CYLC1: variants seen among roughly 807,000 people sequenced by gnomAD.
The protein encoded by CYLC1 is cylicin 1.
In CYLC1, 2 loss-of-function variants were observed where a neutral mutation model predicts 31.6. The observed-to-expected ratio is 0.06, with a 90% confidence interval of 0.03 to 0.20. CYLC1 has a LOEUF of 0.20. CYLC1 is among the 10% of genes least tolerant of loss of function. CYLC1 has a pLI of 1.00. For synonymous variants in CYLC1, 185 were observed against 153.0 expected (o/e 1.21, Z -1.54); for missense variants, 595 against 424.1 (o/e 1.40, Z -3.54).
chrX:83,870,904 G>A (rs1485176137), intron 2 of CYLC1, among the ~76,000 whole-genome samples: 1 of 110,676 alleles, frequency 9.0e-6, no homozygotes. Flanking sequence ...ATGGAATGCA[G>A]TATTTCCACC....
chrX:83,871,990 C>A (rs1484897755), intron 3 of CYLC1, among the ~76,000 whole-genome samples: 1 of 110,806 alleles, frequency 9.0e-6, no homozygotes, highest in Non-Finnish European at 1.9e-5. Flanking sequence ...TATCAATTAG[C>A]AAAAGGAAAA....
chrX:83,886,697 A>G lies in CYLC1; in HGVS notation c.*113A>G. The G allele has an allele frequency of 1.7e-6, 1 of 575,305 alleles. No homozygotes were observed. Among genetic ancestry groups the G allele is most frequent in the Non-Finnish European group, 2.8e-6 (1 of 358,973 alleles). The allele number at this position is 575,305 out of a possible 1,213,427, so 47.4% of individuals were successfully genotyped here. A position where few individuals can be genotyped will look rare whatever the true frequency, so the allele number is the denominator to read the frequency against. ...CTGAAATAAAAACAAGTCTTCCATGAGTATCAAGAGTTGCTTTTTTGCATA... is the reference window on the plus strand; with the variant it reads ...CTGAAATAAAAACAAGTCTTCCATGGGTATCAAGAGTTGCTTTTTTGCATA... On this transcript the variant is annotated 3_prime_UTR_variant, in exon 5 of 5. Coordinates refer to ENST00000329312, the MANE Select transcript of CYLC1 (RefSeq NM_021118.3).
At chrX:83,861,228 T>C (rs2031505445) in intron 1 of CYLC1, 29 bp downstream of exon 1, 1 of 1,080,283 alleles carries the variant, frequency 9.3e-7, no homozygotes, top group African/African-American at 1.9e-5. Context: ...ATTTTTTTAG[T>C]ATTTTAAATA....
Position 83,874,260 on chromosome X carries a change from G to A in CYLC1, c.1552G>A (p.Glu518Lys), listed in dbSNP as rs1446644826. ...DIKKDARKDT[E>K]STDAEFDESS... ...CAAGAAGGATGCAAGAAAGGACACAGAGTCTACTGATGCTGAATTTGATGA... is the reference window on the plus strand; with the variant it reads ...CAAGAAGGATGCAAGAAAGGACACAAAGTCTACTGATGCTGAATTTGATGA... Residue 518 changes from glutamate (E) to lysine (K), a missense_variant, in exon 4 of 5, where the codon GAG becomes AAG. Transcript: ENST00000329312. 3 of 1,207,181 alleles carry A rather than the reference G, an allele frequency of 2.5e-6. No homozygotes were observed. Among genetic ancestry groups the A allele is most frequent in the Admixed American group, 4.4e-5 (2 of 45,400 alleles).
rs879119832 is a variant in CYLC1 at position 83,873,807 on chromosome X, C to A, written c.1099C>A (p.Pro367Thr). The change falls in exon 4 of 5, where the codon CCA becomes ACA. Residue 367 changes from proline to threonine, a missense_variant. Pro to Thr is a conservative substitution (Grantham distance 38). Coordinates refer to ENST00000329312, the MANE Select transcript of CYLC1 (RefSeq NM_021118.3). ...CAAGAAAAAGGACACAAAGAAGTACCCAGAGTCTACTGATACTGAATCAGG... is the reference window on the plus strand; with the variant it reads ...CAAGAAAAAGGACACAAAGAAGTACACAGAGTCTACTGATACTGAATCAGG... ...DDKKKDTKKY[P>T]ESTDTESGDA... is the part of the protein sequence containing the mutation. 2 of 1,183,551 alleles carry A rather than the reference C, an allele frequency of 1.7e-6. No homozygotes were observed. The highest frequency in any genetic ancestry group is 1.1e-6 in the Non-Finnish European group (1 of 878,842).
chrX:83,863,003 G>A (rs918030705), intron 1 of CYLC1, among the ~76,000 whole-genome samples: 1 of 111,405 alleles, frequency 9.0e-6, no homozygotes, highest in South Asian at 3.8e-4. Flanking sequence ...TGAATCTCAT[G>A]TCATCAACTT....
At chrX:83,877,982 A>G (rs1342240964) in intron 4 of CYLC1, among the ~76,000 whole-genome samples, 2 of 73,731 alleles carry the variant, frequency 2.7e-5, no homozygotes, top group South Asian at 6.9e-4. Context: ...GTATATAAAT[A>G]TAAATATATA....
At chrX:83,865,625 T>C (rs2031582598) in intron 1 of CYLC1, among the ~76,000 whole-genome samples, 2 of 111,832 alleles carry the variant, frequency 1.8e-5, no homozygotes, top group Non-Finnish European at 3.8e-5. Flanking sequence ...GCTGATTCTT[T>C]CTGAAGGCAT....
chrX:83,876,014 C>T (rs1423141527), intron 4 of CYLC1, among the ~76,000 whole-genome samples: 1 of 110,707 alleles, frequency 9.0e-6, no homozygotes, highest in Admixed American at 9.8e-5. Flanking sequence ...GTTCTTCTAA[C>T]TCAAGAAATT....
intron 1 of CYLC1, among the ~76,000 whole-genome samples, chrX:83,864,948 G>C (rs1217748505): frequency 9.1e-6 from 1 of 110,025 alleles, no homozygotes; most frequent in African/African-American, 3.3e-5. Context: ...TTAGATCTTG[G>C]ACCTCTTTTT....
chrX:83,874,368 G>A lies in CYLC1; in HGVS notation c.1660G>A (p.Ala554Thr). ...ESEESLYKPG[A>T]KKKIDESDGT... is the part of the protein sequence containing the mutation. Reference sequence around the variant, plus strand: ...TGAAGAGTCACTATATAAACCTGGGGCTAAGAAGAAAATTGATGAATCAGA... The same window carrying A: ...TGAAGAGTCACTATATAAACCTGGGACTAAGAAGAAAATTGATGAATCAGA... Residue 554 changes from alanine (A) to threonine (T), a missense_variant, in exon 4 of 5, where the codon GCT becomes ACT. Physicochemically the swap from Ala to Thr is moderately conservative, Grantham distance 58 (BLOSUM62 0). Coordinates refer to ENST00000329312, the MANE Select transcript of CYLC1 (RefSeq NM_021118.3). 1 of 1,210,125 alleles carries A rather than the reference G, an allele frequency of 8.3e-7. No homozygotes were observed.
chrX:83,877,410 G>C (rs1473586062), intron 4 of CYLC1, among the ~76,000 whole-genome samples: 2 of 110,888 alleles, frequency 1.8e-5, no homozygotes, highest in Non-Finnish European at 3.8e-5. Context: ...CACCATGTCT[G>C]GCAGAATAAA....
intron 4 of CYLC1, among the ~76,000 whole-genome samples, chrX:83,879,704 A>G (rs1430322378): frequency 2.9e-5 from 3 of 102,888 alleles, no homozygotes; most frequent in African/African-American, 1.0e-4. Context: ...TCTAAGGTTC[A>G]CTTTACCATA....
At chrX:83,875,406 C>A (rs1310343472) in intron 4 of CYLC1, among the ~76,000 whole-genome samples, 1 of 111,113 alleles carries the variant, frequency 9.0e-6, no homozygotes, top group Admixed American at 9.6e-5. Context: ...TAAAGATATA[C>A]CTGAAACTGA....
At chrX:83,882,235 C>T (rs895231089) in intron 4 of CYLC1, among the ~76,000 whole-genome samples, 2 of 110,924 alleles carry the variant, frequency 1.8e-5, no homozygotes, top group Non-Finnish European at 3.8e-5. Flanking sequence ...GGTTTTCTTC[C>T]ATAAAAGATA....
At chrX:83,875,337 G>A (rs2031743190) in intron 4 of CYLC1, among the ~76,000 whole-genome samples, 1 of 111,417 alleles carries the variant, frequency 9.0e-6, no homozygotes, top group Non-Finnish European at 1.9e-5. Context: ...GTAAGGGAAA[G>A]CATAAATAGA....
At chrX:83,870,340 A>G (rs779116537) in intron 2 of CYLC1, among the ~76,000 whole-genome samples, 8 of 111,594 alleles carry the variant, frequency 7.2e-5, no homozygotes, top group Middle Eastern at 4.6e-3. Context: ...CTGCACTGCT[A>G]TAAATATTAC....
At chrX:83,885,280 CAA>C (rs2031965761) in intron 4 of CYLC1, among the ~76,000 whole-genome samples, 1 of 109,310 alleles carries the variant, frequency 9.1e-6, no homozygotes, top group Non-Finnish European at 1.9e-5. Flanking sequence ...AACTGTGAAT[CAA>C]GAGTGCTATG....
At chrX:83,865,263 T>TAC (rs769989735) in intron 1 of CYLC1, among the ~76,000 whole-genome samples, 254 of 108,642 alleles carry the variant, frequency 2.3e-3, no homozygotes, top group African/African-American at 6.1e-3. Flanking sequence ...TAAACATGCA[T>TAC]ACACACACAC....
Sources: allele counts gnomAD v4.1 joint callset (sites outside exome capture counted in the v4.1 genomes callset), GRCh38; gene constraint gnomAD v4.1.1; transcripts MANE v1.5; gene names NCBI Gene and HGNC (gene_info 2026-07-23, HGNC 2026-07-21).